Variants in MAGI1 observed in about 807,000 individuals in gnomAD.
MAGI1 encodes membrane associated guanylate kinase, WW and PDZ domain containing 1.
In MAGI1, 58 loss-of-function variants were observed where a neutral mutation model predicts 139.9. The observed-to-expected ratio is 0.41, with a 90% CI of 0.34 to 0.52. The LOEUF (loss-of-function observed/expected upper bound fraction) is 0.52. Among genes scored for constraint, MAGI1 ranks in the 20% least tolerant of loss-of-function variants. The pLI is 0.12. For missense variants in MAGI1, 1,874 were observed against 1,901.6 expected (o/e 0.99, Z 0.27); for synonymous variants, 812 against 737.9 (o/e 1.10, Z -1.63).
intron 1 of MAGI1, among the ~76,000 whole-genome samples, chr3:65,709,725 G>C (rs1459465800): frequency 6.6e-6 from 1 of 152,164 alleles, no homozygotes; most frequent in Non-Finnish European, 1.5e-5. Context: ...CTGAATATGA[G>C]AAGAGTGCTC....
intron 1 of MAGI1, among the ~76,000 whole-genome samples, chr3:65,898,931 T>G (rs921449740): frequency 1.3e-5 from 2 of 152,064 alleles, no homozygotes; most frequent in African/African-American, 2.4e-5. Context: ...TTAAAAAAAT[T>G]TTTTTTTGAG....
chr3:65,648,314 T>C (rs867129212), intron 1 of MAGI1, among the ~76,000 whole-genome samples: 9 of 150,330 alleles, frequency 6.0e-5, no homozygotes, highest in Non-Finnish European at 8.8e-5. Context: ...TGTGTGTGTG[T>C]GTGCGCGTGC....
At chr3:65,643,391 G>A (rs999569304) in intron 1 of MAGI1, among the ~76,000 whole-genome samples, 11 of 152,088 alleles carry the variant, frequency 7.2e-5, no homozygotes, top group African/African-American at 9.7e-5. Context: ...TGCTATCTAC[G>A]AAAAATAAAG....
intron 1 of MAGI1, among the ~76,000 whole-genome samples, chr3:65,976,283 ACG>A (rs768123153): frequency 1.3e-4 from 20 of 152,298 alleles, no homozygotes; most frequent in Middle Eastern, 3.4e-3. Context: ...CATTTTTTAA[ACG>A]GAGTGGGATG....
rs541514140 is a variant in MAGI1, at chr3:65,381,981, G to A, written c.2597C>T (p.Thr866Met). Residue 866 changes from threonine (T) to methionine (M), a missense_variant, in exon 16 of 23, where the codon ACG (threonine) becomes ATG (methionine). Thr to Met is a moderately conservative substitution (Grantham distance 81). Transcript: ENST00000402939. ...CTGGTGTGATTTTCCAATTACTGGCGTCCCATCCACACAGATTAATTCATC... is the reference window on the plus strand; with the variant it reads ...CTGGTGTGATTTTCCAATTACTGGCATCCCATCCACACAGATTAATTCATC... ...SGDELICVDGTPVIGKSHQLV... is the reference protein window; with the variant it reads ...SGDELICVDGMPVIGKSHQLV... 60 of 1,614,052 alleles carry A rather than the reference G, an allele frequency of 3.7e-5. No homozygotes were observed. The highest frequency in any genetic ancestry group is 6.7e-5 in the East Asian group (3 of 44,864).
intron 1 of MAGI1, among the ~76,000 whole-genome samples, chr3:66,022,113 C>A (rs375479276): frequency 5.9e-5 from 9 of 151,712 alleles, no homozygotes; most frequent in African/African-American, 2.2e-4. Context: ...CTCCTTCCAC[C>A]AAAAAAAAGC....
chr3:65,997,162 C>A (rs1190906293), intron 1 of MAGI1, among the ~76,000 whole-genome samples: 1 of 152,128 alleles, frequency 6.6e-6, no homozygotes, highest in East Asian at 1.9e-4. Context: ...TGTACCCACC[C>A]TACCTCAGTG....
intron 1 of MAGI1, among the ~76,000 whole-genome samples, chr3:65,731,552 G>A (rs1025079118): frequency 3.3e-5 from 5 of 151,480 alleles, no homozygotes; most frequent in Admixed American, 1.3e-4. Context: ...CTACTGGGGC[G>A]GCTGAGGTGG....
chr3:65,526,249 C>T (rs958568175), intron 2 of MAGI1, among the ~76,000 whole-genome samples: 7 of 152,120 alleles, frequency 4.6e-5, no homozygotes, highest in Non-Finnish European at 1.0e-4. Context: ...ACATCTTTGC[C>T]ATTTTTTGCC....
At chr3:65,801,930 T>C (rs2040539089) in intron 1 of MAGI1, among the ~76,000 whole-genome samples, 1 of 152,038 alleles carries the variant, frequency 6.6e-6, no homozygotes, top group Admixed American at 6.6e-5. Context: ...TCCTGTGATA[T>C]CAGCAGAGGC....
At chr3:65,869,118 G>A (rs2059828705) in intron 1 of MAGI1, among the ~76,000 whole-genome samples, 1 of 150,948 alleles carries the variant, frequency 6.6e-6, no homozygotes, top group Non-Finnish European at 1.5e-5. Context: ...AGCAGGGCGT[G>A]GTGGCAGGCG....
intron 1 of MAGI1, among the ~76,000 whole-genome samples, chr3:65,948,810 G>A (rs544652408): frequency 1.9e-4 from 29 of 152,242 alleles, no homozygotes; most frequent in African/African-American, 6.5e-4. Context: ...TTTTAGAATC[G>A]TAAAATCCTT....
intron 1 of MAGI1, among the ~76,000 whole-genome samples, chr3:65,659,367 G>A (rs1055733531): frequency 1.3e-5 from 2 of 152,170 alleles, no homozygotes; most frequent in African/African-American, 4.8e-5. Flanking sequence ...AAACAGGCAT[G>A]GACCAAGCTG....
At chr3:65,896,658 G>A (rs1337699060) in intron 1 of MAGI1, among the ~76,000 whole-genome samples, 1 of 152,098 alleles carries the variant, frequency 6.6e-6, no homozygotes. Flanking sequence ...CAGGGCATCA[G>A]AGACCCCGTC....
intron 1 of MAGI1, among the ~76,000 whole-genome samples, chr3:65,738,248 A>G (rs948491915): frequency 6.6e-6 from 1 of 152,378 alleles, no homozygotes; most frequent in East Asian, 1.9e-4. Flanking sequence ...TTTCCAGCAC[A>G]TATAAAAGTT....
intron 2 of MAGI1, among the ~76,000 whole-genome samples, chr3:65,507,049 G>A (rs2107727298): frequency 6.6e-6 from 1 of 152,210 alleles, no homozygotes; most frequent in Admixed American, 6.5e-5. Context: ...TAAACAAGAG[G>A]AAATACCACA....
intron 1 of MAGI1, among the ~76,000 whole-genome samples, chr3:65,711,394 TTAGA>T (rs2031393907): frequency 6.6e-6 from 1 of 152,166 alleles, no homozygotes; most frequent in South Asian, 2.1e-4. Flanking sequence ...TAAAAAGGTT[TTAGA>T]TAAACAATCT....
intron 2 of MAGI1, among the ~76,000 whole-genome samples, chr3:65,582,581 G>C (rs988301559): frequency 4.8e-5 from 7 of 145,550 alleles, no homozygotes; most frequent in Non-Finnish European, 1.1e-4. Context: ...TGACGATTCT[G>C]AGTACAAAAT....
intron 1 of MAGI1, among the ~76,000 whole-genome samples, chr3:65,776,833 G>C (rs1361622601): frequency 1.3e-5 from 2 of 152,224 alleles, no homozygotes; most frequent in Non-Finnish European, 2.9e-5. Flanking sequence ...TCTTCCATCA[G>C]ACTTTTCTGC....
Sources: gnomAD v4.1 joint callset for allele counts (sites outside exome capture counted in the v4.1 genomes callset) on GRCh38, gnomAD v4.1.1 for gene constraint, MANE v1.5 for transcripts, NCBI Gene and HGNC (gene_info 2026-07-23, HGNC 2026-07-21) for gene names.